IKZF1: variants seen among roughly 807,000 people sequenced by gnomAD.
IKZF1 encodes the protein IKAROS family zinc finger 1.
A neutral mutation model predicts 51.7 loss-of-function variants in IKZF1; 10 were observed. That is an observed-to-expected ratio of 0.19 (90% CI 0.12 to 0.33). IKZF1 has a LOEUF of 0.33. Ranked by LOEUF, IKZF1 falls within the 10% of genes least tolerant of loss-of-function variation. The probability of loss-of-function intolerance (pLI) is 1.00; values close to 1 mark genes in which losing one functional copy is unlikely to be tolerated. For missense variants in IKZF1, 484 were observed against 707.5 expected (o/e 0.68, Z 3.58); for synonymous variants, 280 against 282.3 (o/e 0.99, Z 0.08).
At chr7:50,339,527 G>C (rs1798582348) in intron 3 of IKZF1, among the ~76,000 whole-genome samples, 1 of 152,056 alleles carries the variant, frequency 6.6e-6, no homozygotes, top group African/African-American at 2.4e-5. Flanking sequence ...GAGGCAGGCA[G>C]ATCATGAGGT....
intron 1 of IKZF1, among the ~76,000 whole-genome samples, chr7:50,307,401 C>A: frequency 6.6e-6 from 1 of 152,244 alleles, no homozygotes; most frequent in East Asian, 1.9e-4. Context: ...GACCTTTTTG[C>A]GTTCTCTGAA....
rs1818184150 is a variant in IKZF1 at position 50,401,864 on chromosome 7, A to G, written c.*1237A>G. On this transcript the variant is annotated 3_prime_UTR_variant, in exon 8 of 8. Transcript: ENST00000331340. ...CACCTGTTTGAAACCAAGCTTTCAA[A>G]CATGTTGAAGCTCTTTACTGTAAAG... The G allele has an allele frequency of 1.3e-5, 3 of 225,044 alleles. No individual in the cohort carries two copies. Among genetic ancestry groups the G allele is most frequent in the Non-Finnish European group, 2.7e-5 (3 of 112,930 alleles). The allele number at this position is 225,044 out of a possible 1,614,324, so 13.9% of individuals were successfully genotyped here.
chr7:50,386,909 A>G (rs1005449737), intron 5 of IKZF1, among the ~76,000 whole-genome samples: 11 of 152,238 alleles, frequency 7.2e-5, no homozygotes, highest in Non-Finnish European at 1.5e-4. Flanking sequence ...ATGTAGCACC[A>G]GCGTCATGAC....
chr7:50,390,120 G>A (rs1814609977), intron 6 of IKZF1, among the ~76,000 whole-genome samples: 2 of 152,198 alleles, frequency 1.3e-5, no homozygotes, highest in South Asian at 2.1e-4. Context: ...AGCCCTTGGA[G>A]GTGCATGCAT....
chr7:50,403,406 C>A lies in IKZF1; in HGVS notation c.*2779C>A. 4.5e-6 allele frequency: 1 copy of A among 222,556 alleles called. No homozygotes were observed. Among genetic ancestry groups the A allele is most frequent in the East Asian group, 6.5e-5 (1 of 15,468 alleles). The allele number at this position is 222,556 out of a possible 1,614,324, so 13.8% of individuals were successfully genotyped here. A position where few individuals can be genotyped will look rare whatever the true frequency, so the allele number is the denominator to read the frequency against. ...GGTACCGCTGTGTACTACTGTGTGC[C>A]TAGATTCCATGCACTCTCGTTGTGT... On this transcript the variant is annotated 3_prime_UTR_variant, in exon 8 of 8. Transcript: ENST00000331340.
At chr7:50,334,491 TTGTGTGTGCATG>T (rs1446323050) in intron 3 of IKZF1, among the ~76,000 whole-genome samples, 6 of 151,848 alleles carry the variant, frequency 4.0e-5, no homozygotes, top group African/African-American at 1.5e-4. Flanking sequence ...TGTCATATGT[TTGTGTGTGCATG>T]TATGTGTGTG....
At chr7:50,357,884 G>T (rs192154378) in intron 3 of IKZF1, among the ~76,000 whole-genome samples, 1 of 152,192 alleles carries the variant, frequency 6.6e-6, no homozygotes, top group Admixed American at 6.5e-5. Context: ...TGTCTTACCT[G>T]GTCTTAGGCA....
intron 3 of IKZF1, among the ~76,000 whole-genome samples, chr7:50,344,406 T>C (rs1461034003): frequency 1.3e-5 from 2 of 152,226 alleles, no homozygotes; most frequent in African/African-American, 4.8e-5. Context: ...ATCAGCAGTG[T>C]TTCTAAGCCA....
rs539270533 is a variant in IKZF1, at chr7:50,397,007, A to G, written c.851-2911A>G. On this transcript the variant is annotated intron_variant, in intron 7 of 7. Transcript: ENST00000331340. Reference sequence around the variant, plus strand: ...ATGTTCATCTGATTCTTGTCAGCCAAGGTTTCAAATGCTTTTCTGATCAGA... The same window carrying G: ...ATGTTCATCTGATTCTTGTCAGCCAGGGTTTCAAATGCTTTTCTGATCAGA... Among the ~76,000 whole-genome samples the G allele has an allele frequency of 1.6e-4, 25 of 152,326 alleles. No individual in the cohort carries two copies. The East Asian group carries it at 4.4e-3, about 27-fold the overall frequency.
chr7:50,391,905 T>G, intron 7 of IKZF1, 42 bp downstream of exon 7: 2 of 1,578,494 alleles, frequency 1.3e-6, no homozygotes, highest in Non-Finnish European at 1.7e-6. Context: ...AAAAACTATG[T>G]GGGTGTTTTA....
chr7:50,380,801 T>C (rs962980903), intron 4 of IKZF1, among the ~76,000 whole-genome samples: 2 of 152,234 alleles, frequency 1.3e-5, no homozygotes, highest in African/African-American at 4.8e-5. Context: ...TAATAGATAA[T>C]TAAATGATCT....
chr7:50,366,026 C>A (rs940476146), intron 3 of IKZF1, among the ~76,000 whole-genome samples: 17 of 152,208 alleles, frequency 1.1e-4, no homozygotes, highest in Middle Eastern at 3.4e-3. Flanking sequence ...AACCCAGGAA[C>A]AGAAAACCAA....
chr7:50,392,110 C>CT (rs1241875847), intron 7 of IKZF1, among the ~76,000 whole-genome samples: 1 of 152,164 alleles, frequency 6.6e-6, no homozygotes, highest in South Asian at 2.1e-4. Flanking sequence ...TGTGATCTGC[C>CT]TGTGGACATC....
chr7:50,378,174 C>T (rs992269744), intron 4 of IKZF1, among the ~76,000 whole-genome samples: 1 of 152,162 alleles, frequency 6.6e-6, no homozygotes, highest in African/African-American at 2.4e-5. Context: ...TCAAAATGAT[C>T]TATTCCATTT....
chr7:50,325,237 ATT>A (rs1239935573), intron 2 of IKZF1, among the ~76,000 whole-genome samples: 1 of 149,274 alleles, frequency 6.7e-6, no homozygotes, highest in Non-Finnish European at 1.5e-5. Context: ...TTATTTTGTT[ATT>A]CTTACCCCCA....
chr7:50,342,926 C>G (rs915016481), intron 3 of IKZF1, among the ~76,000 whole-genome samples: 1 of 152,200 alleles, frequency 6.6e-6, no homozygotes, highest in African/African-American at 2.4e-5. Context: ...GGCACAGATT[C>G]GTCATGGAAG....
chr7:50,359,688 G>A (rs1453457138), intron 3 of IKZF1, among the ~76,000 whole-genome samples: 1 of 152,230 alleles, frequency 6.6e-6, no homozygotes, highest in African/African-American at 2.4e-5. Context: ...GTACACATGT[G>A]TGTGCACCAG....
intron 6 of IKZF1, among the ~76,000 whole-genome samples, chr7:50,391,056 G>T (rs983754821): frequency 6.6e-6 from 1 of 152,160 alleles, no homozygotes; most frequent in Non-Finnish European, 1.5e-5. Flanking sequence ...ATCCAGCTAT[G>T]CAGGATACAA....
intron 3 of IKZF1, among the ~76,000 whole-genome samples, chr7:50,348,806 A>G (rs1801055043): frequency 6.6e-6 from 1 of 152,214 alleles, no homozygotes. Context: ...CACCAGAACC[A>G]TGCACTACAG....
Sources: allele counts gnomAD v4.1 joint callset (sites outside exome capture counted in the v4.1 genomes callset), GRCh38; gene constraint gnomAD v4.1.1; transcripts MANE v1.5; gene names NCBI Gene and HGNC (gene_info 2026-07-23, HGNC 2026-07-21).